Variants in PCED1B observed in about 807,000 individuals in gnomAD.
PCED1B encodes the protein PC-esterase domain containing 1B.
For missense variants in PCED1B, 573 were observed against 573.9 expected (o/e 1.00, Z 0.02); for synonymous variants, 251 against 246.1 (o/e 1.02, Z -0.19).
At chr12:47,124,022 T>C (rs1033537513) in intron 2 of PCED1B, among the ~76,000 whole-genome samples, 1 of 152,064 alleles carries the variant, frequency 6.6e-6, no homozygotes, top group African/African-American at 2.4e-5. Flanking sequence ...AACAACTTCA[T>C]TGATGTATAA....
chr12:47,087,352 A>C (rs536420404), intron 1 of PCED1B, among the ~76,000 whole-genome samples: 69 of 152,308 alleles, frequency 4.5e-4, no homozygotes, highest in African/African-American at 1.6e-3. Flanking sequence ...GTTGGTTTAT[A>C]TAACCTGCCC....
At chr12:47,196,083 GA>G (rs775871399) in intron 2 of PCED1B, among the ~76,000 whole-genome samples, 9 of 152,264 alleles carry the variant, frequency 5.9e-5, no homozygotes, top group Admixed American at 3.3e-4. Context: ...ACTTTGCAAA[GA>G]CTATTACATA....
intron 2 of PCED1B, among the ~76,000 whole-genome samples, chr12:47,123,566 A>G (rs1440613914): frequency 1.3e-5 from 2 of 152,136 alleles, no homozygotes; most frequent in South Asian, 4.1e-4. Context: ...GGCCACCAGT[A>G]TATCAAAAAA....
intron 2 of PCED1B, among the ~76,000 whole-genome samples, chr12:47,110,497 C>A (rs1565752805): frequency 6.6e-6 from 1 of 152,088 alleles, no homozygotes; most frequent in Non-Finnish European, 1.5e-5. Context: ...GGATCTAGCC[C>A]AAATTTACTA....
chr12:47,180,457 A>C (rs1344274636), intron 2 of PCED1B, among the ~76,000 whole-genome samples: 1 of 152,240 alleles, frequency 6.6e-6, no homozygotes, highest in Non-Finnish European at 1.5e-5. Context: ...CTTACACCTT[A>C]TACAAAAATT....
rs897895732 is a variant in PCED1B, at chr12:47,226,279, T to G, written c.-57-8728T>G. 2.0e-5 allele frequency among the ~76,000 whole-genome samples: 3 copies of G among 152,250 alleles called. No homozygotes were observed. In the East Asian group the frequency reaches 5.8e-4, roughly 29 times the overall value. The stretch of plus-strand genomic sequence containing the variant: ...AAACCTCCCTCCTCTGGCTTGATTC[T>G]TCCAACAGTCTCAGGTACTTAATTT... On this transcript the variant is annotated intron_variant, in intron 3 of 3. Transcript: ENST00000546455.
intron 2 of PCED1B, chr12:47,208,607 C>G (rs1445129007): frequency 2.0e-5 from 3 of 152,120 alleles, no homozygotes; most frequent in Admixed American, 2.0e-4. Flanking sequence ...CTCCTGACCT[C>G]AAGTGATGCA....
chr12:47,198,405 A>T (rs1048223007), intron 2 of PCED1B, among the ~76,000 whole-genome samples: 1 of 152,154 alleles, frequency 6.6e-6, no homozygotes, highest in African/African-American at 2.4e-5. Flanking sequence ...ACTGGATCTC[A>T]ACTTCATAAA....
At chr12:47,178,059 T>TAGAAAGGACTCTAAATGTAATC (rs1227666060) in intron 2 of PCED1B, among the ~76,000 whole-genome samples, 1 of 152,110 alleles carries the variant, frequency 6.6e-6, no homozygotes, top group African/African-American at 2.4e-5. Flanking sequence ...GCTGGAAGAA[T>TAGAAAGGACTCTAAATGTAATC]AGAAAGGACT....
intron 2 of PCED1B, among the ~76,000 whole-genome samples, chr12:47,164,592 G>A (rs1941486482): frequency 6.6e-6 from 1 of 152,218 alleles, no homozygotes; most frequent in Non-Finnish European, 1.5e-5. Context: ...GCCAGTAGCT[G>A]TACAATTCTG....
At chr12:47,127,957 A>G (rs961007403) in intron 2 of PCED1B, among the ~76,000 whole-genome samples, 1 of 152,142 alleles carries the variant, frequency 6.6e-6, no homozygotes, top group Non-Finnish European at 1.5e-5. Flanking sequence ...TTGCATTATG[A>G]TACCGCTTTA....
At chr12:47,224,722 C>G (rs1336986820) in intron 3 of PCED1B, among the ~76,000 whole-genome samples, 1 of 152,102 alleles carries the variant, frequency 6.6e-6, no homozygotes, top group Non-Finnish European at 1.5e-5. Context: ...CGGGGATTCA[C>G]AGGGGAATCA....
At chr12:47,203,473 C>T (rs1175176238) in intron 2 of PCED1B, among the ~76,000 whole-genome samples, 1 of 152,132 alleles carries the variant, frequency 6.6e-6, no homozygotes, top group Non-Finnish European at 1.5e-5. Context: ...AACTCTCACC[C>T]TCCGACAGGC....
intron 1 of PCED1B, among the ~76,000 whole-genome samples, chr12:47,100,411 T>C (rs1938651823): frequency 6.6e-6 from 1 of 152,250 alleles, no homozygotes; most frequent in Non-Finnish European, 1.5e-5. Context: ...AATATTCTTG[T>C]CTTCTTTTTC....
chr12:47,105,783 C>T (rs568588848), intron 2 of PCED1B, among the ~76,000 whole-genome samples: 3 of 152,094 alleles, frequency 2.0e-5, no homozygotes, highest in South Asian at 2.1e-4. Context: ...GAAAAAGTTA[C>T]AAGGAGAAAG....
At chr12:47,230,341 C>T in intron 3 of PCED1B, among the ~76,000 whole-genome samples, 1 of 152,196 alleles carries the variant, frequency 6.6e-6, no homozygotes, top group Non-Finnish European at 1.5e-5. Flanking sequence ...GCCTTGGCCT[C>T]CCAAAGTGCT....
At chr12:47,226,973 A>T (rs1783609210) in intron 3 of PCED1B, among the ~76,000 whole-genome samples, 1 of 152,112 alleles carries the variant, frequency 6.6e-6, no homozygotes, top group South Asian at 2.1e-4. Flanking sequence ...TCACTCCCCT[A>T]AAAGAGTCAT....
rs1338414309 is a variant in PCED1B, at chr12:47,103,856, CAT to C, written c.-608-255_-608-254del. 3.9e-5 allele frequency among the ~76,000 whole-genome samples: 6 copies of C among 152,216 alleles called. No homozygotes were observed. The South Asian group carries it at 1.2e-3, about 31-fold the overall frequency. ...GCACCTGTGCACATAATTAAGGAAA[CAT>C]AATTTTTAGCACGTTTATTTTCTCA... On this transcript the variant is annotated intron_variant, in intron 1 of 3. Coordinates refer to ENST00000546455, the MANE Select transcript of PCED1B (RefSeq NM_138371.3).
At chr12:47,179,756 T>C (rs1484398024) in intron 2 of PCED1B, among the ~76,000 whole-genome samples, 4 of 152,170 alleles carry the variant, frequency 2.6e-5, no homozygotes, top group South Asian at 2.1e-4. Context: ...CTACCCTTTG[T>C]CAGGTACTCT....
Sources: allele counts gnomAD v4.1 joint callset (sites outside exome capture counted in the v4.1 genomes callset), GRCh38; gene constraint gnomAD v4.1.1; transcripts MANE v1.5; gene names NCBI Gene and HGNC (gene_info 2026-07-23, HGNC 2026-07-21).